Variants in KCNJ16 observed in about 807,000 individuals in gnomAD.
KCNJ16 encodes the protein inward rectifier potassium channel 16.
Under a neutral mutation model 18.5 loss-of-function variants are expected in KCNJ16, and 15 were observed. The observed-to-expected ratio is 0.81, with a 90% confidence interval of 0.54 to 1.25. KCNJ16 has a LOEUF of 1.25. Ranked by LOEUF, KCNJ16 falls within the 50% of genes most tolerant of loss-of-function variation. KCNJ16 has a pLI of 0.00. For synonymous variants in KCNJ16, 174 were observed against 186.5 expected (o/e 0.93, Z 0.55); for missense variants, 523 against 525.7 (o/e 0.99, Z 0.05).
At chr17:70,095,885 T>C (rs1202316740) in intron 1 of KCNJ16, among the ~76,000 whole-genome samples, 10 of 128,942 alleles carry the variant, frequency 7.8e-5, no homozygotes, top group Non-Finnish European at 1.1e-4. Flanking sequence ...TTTTTTTTTT[T>C]TTTTTTTTTT....
intron 2 of KCNJ16, among the ~76,000 whole-genome samples, chr17:70,105,623 T>G (rs909524310): frequency 4.6e-5 from 7 of 152,220 alleles, no homozygotes; most frequent in African/African-American, 1.7e-4. Flanking sequence ...GAAAAACAAC[T>G]GCTAAAAGGT....
At chr17:70,092,489 AATAGATAGATAG>A (rs56383039) in intron 1 of KCNJ16, among the ~76,000 whole-genome samples, 29 of 89,932 alleles carry the variant, frequency 3.2e-4, no homozygotes, top group African/African-American at 1.1e-3. Context: ...AAACAGAACC[AATAGATAGATAG>A]ATAGATAGAT....
At chr17:70,123,721 T>A (rs1250816110) in intron 2 of KCNJ16, among the ~76,000 whole-genome samples, 1 of 152,008 alleles carries the variant, frequency 6.6e-6, no homozygotes, top group African/African-American at 2.4e-5. Context: ...AAAAAAAAAT[T>A]ATAATAATGA....
At chr17:70,118,989 T>A (rs192230369) in intron 2 of KCNJ16, among the ~76,000 whole-genome samples, 1 of 152,116 alleles carries the variant, frequency 6.6e-6, no homozygotes, top group Admixed American at 6.5e-5. Context: ...CAAGATACAA[T>A]AGGGGCATTG....
chr17:70,112,164 G>A (rs548237738), intron 2 of KCNJ16, among the ~76,000 whole-genome samples: 38 of 152,280 alleles, frequency 2.5e-4, no homozygotes, highest in African/African-American at 8.9e-4. Context: ...AGTCCTGGAG[G>A]GCTAGGGGTT....
intron 1 of KCNJ16, among the ~76,000 whole-genome samples, chr17:70,094,920 T>C (rs931846562): frequency 1.6e-4 from 25 of 152,238 alleles, no homozygotes; most frequent in African/African-American, 5.8e-4. Flanking sequence ...CAGTCATCAC[T>C]GAGCATTTGT....
chr17:70,103,770 C>T (rs2072782249), intron 2 of KCNJ16, among the ~76,000 whole-genome samples: 2 of 152,028 alleles, frequency 1.3e-5, no homozygotes, highest in South Asian at 4.2e-4. Context: ...GTCTCCTTGA[C>T]ATGTTCATTT....
chr17:70,102,943 CCTTT>C (rs1043272696), intron 2 of KCNJ16, among the ~76,000 whole-genome samples: 43 of 151,574 alleles, frequency 2.8e-4, no homozygotes, highest in African/African-American at 1.0e-3. Context: ...TTTTTCCTTT[CCTTT>C]TTTTTGAGAC....
chr17:70,118,779 T>C (rs1216306139), intron 2 of KCNJ16, among the ~76,000 whole-genome samples: 1 of 152,142 alleles, frequency 6.6e-6, no homozygotes, highest in Non-Finnish European at 1.5e-5. Context: ...AACATGAGAT[T>C]TGGGTGGGGA....
intron 1 of KCNJ16, among the ~76,000 whole-genome samples, chr17:70,082,709 T>A (rs1234917166): frequency 6.6e-6 from 1 of 152,162 alleles, no homozygotes; most frequent in South Asian, 2.1e-4. Flanking sequence ...ACTATCTTTA[T>A]GGAGTAGGTG....
intron 2 of KCNJ16, among the ~76,000 whole-genome samples, chr17:70,116,759 T>C (rs937948789): frequency 6.6e-6 from 1 of 152,128 alleles, no homozygotes; most frequent in Non-Finnish European, 1.5e-5. Flanking sequence ...TGAGATACCA[T>C]CTCACACCAG....
chr17:70,123,586 G>T (rs559074976), intron 2 of KCNJ16, among the ~76,000 whole-genome samples: 2 of 152,112 alleles, frequency 1.3e-5, no homozygotes, highest in Non-Finnish European at 2.9e-5. Context: ...GCTATTATGC[G>T]CTTTCATTTT....
At chr17:70,077,838 A>G (rs1567773625) in intron 1 of KCNJ16, among the ~76,000 whole-genome samples, 1 of 152,082 alleles carries the variant, frequency 6.6e-6, no homozygotes, top group Non-Finnish European at 1.5e-5. Context: ...GTTCTTGGTT[A>G]AATTTTTCAG....
chr17:70,127,652 G>A (rs2073901305), intron 2 of KCNJ16, among the ~76,000 whole-genome samples: 3 of 151,928 alleles, frequency 2.0e-5, no homozygotes. Flanking sequence ...CTCCCTCAGA[G>A]CTCCACCTAA....
chr17:70,127,765 AGTT>A (rs1326196143), intron 2 of KCNJ16, among the ~76,000 whole-genome samples: 1 of 152,168 alleles, frequency 6.6e-6, no homozygotes, highest in African/African-American at 2.4e-5. Flanking sequence ...CTCATCTTAT[AGTT>A]GTCAGGAAAG....
At chr17:70,082,629 T>C (rs1035475915) in intron 1 of KCNJ16, among the ~76,000 whole-genome samples, 20 of 152,182 alleles carry the variant, frequency 1.3e-4, no homozygotes, top group African/African-American at 2.4e-5. Context: ...GACAATTGCT[T>C]GTCGAGGCTC....
At chr17:70,123,264 T>C (rs1053582432) in intron 2 of KCNJ16, among the ~76,000 whole-genome samples, 1 of 111,296 alleles carries the variant, frequency 9.0e-6, no homozygotes, top group Admixed American at 8.5e-5. Context: ...TTTGAAAAGA[T>C]ATTGAAAAGA....
Position 70,096,813 on chromosome 17 carries a change from C to T in KCNJ16, c.-299-3845C>T, listed in dbSNP as rs1466972953. 1.8e-5 allele frequency: 7 copies of T among 393,508 alleles called. 1 individual carries two copies. The Admixed American group carries it at 2.7e-4, about 15-fold the overall frequency. The allele number at this position is 393,508 out of a possible 1,614,324, so 24.4% of individuals were successfully genotyped here. On this transcript the variant is annotated intron_variant, in intron 1 of 3. Transcript: ENST00000392671. ...GCCTCAGTGTTCTCAACAGCTTCTACTGGTAAAGCAAGTTACAGCTAGTAA... is the reference window on the plus strand; with the variant it reads ...GCCTCAGTGTTCTCAACAGCTTCTATTGGTAAAGCAAGTTACAGCTAGTAA...
intron 3 of KCNJ16, chr17:70,131,329 CA>C (rs2074052028): frequency 9.2e-7 from 1 of 1,085,276 alleles, no homozygotes; most frequent in Admixed American, 4.7e-5. Flanking sequence ...AAGAAAGATG[CA>C]TTTTTTTTTC....
Sources: gnomAD v4.1 joint callset for allele counts (sites outside exome capture counted in the v4.1 genomes callset) on GRCh38, gnomAD v4.1.1 for gene constraint, MANE v1.5 for transcripts, NCBI Gene and HGNC (gene_info 2026-07-23, HGNC 2026-07-21) for gene names.